The following GRIK4 variants were observed in gnomAD, a reference collection of about 807,000 sequenced individuals.
GRIK4 encodes the protein glutamate ionotropic receptor kainate type subunit 4.
Under a neutral mutation model 104.9 loss-of-function variants are expected in GRIK4, and 40 were observed. The observed-to-expected ratio is 0.38, with a 90% CI of 0.30 to 0.50. The LOEUF (loss-of-function observed/expected upper bound fraction) is 0.50. GRIK4 is among the 20% of genes least tolerant of loss of function. The probability of loss-of-function intolerance (pLI) is 0.93; values close to 1 mark genes in which losing one functional copy is unlikely to be tolerated. For synonymous variants in GRIK4, 485 were observed against 524.9 expected (o/e 0.92, Z 1.04); for missense variants, 1,047 against 1,308.1 (o/e 0.80, Z 3.08).
At chr11:120,864,831 C>T (rs1291648328) in intron 9 of GRIK4, among the ~76,000 whole-genome samples, 1 of 152,176 alleles carries the variant, frequency 6.6e-6, no homozygotes, top group African/African-American at 2.4e-5. Flanking sequence ...TGGGTCAGCG[C>T]TGCCATGGTC....
At position 120,903,643 on chromosome 11, in the gene GRIK4, G is replaced by C. The variant is rs775288223; in HGVS notation, c.1273-1647G>C. On this transcript the variant is annotated intron_variant, in intron 12 of 20. Transcript: ENST00000527524. The surrounding 1 kb of genome is among the most constrained non-coding windows in gnomAD (Gnocchi z 4.4). The stretch of plus-strand genomic sequence containing the variant: ...GCTGCCCTTCAAGCTGCCCTCCAAC[G>C]TAGGGAGTCACAGAATCACAGAATT... Among the ~76,000 whole-genome samples, 2 of 152,062 alleles carry C rather than the reference G, an allele frequency of 1.3e-5. No individual in the cohort carries two copies. Among genetic ancestry groups the C allele is most frequent in the African/African-American group, 4.8e-5 (2 of 41,398 alleles).
chr11:120,545,764 T>A (rs1948080168), intron 1 of GRIK4, among the ~76,000 whole-genome samples: 1 of 152,236 alleles, frequency 6.6e-6, no homozygotes, highest in Non-Finnish European at 1.5e-5. Flanking sequence ...TTGATTATAA[T>A]GGTCAGGTAG....
chr11:120,748,023 G>C (rs572427270), intron 3 of GRIK4, among the ~76,000 whole-genome samples: 2 of 152,318 alleles, frequency 1.3e-5, no homozygotes, highest in Non-Finnish European at 2.9e-5. Context: ...CGCCTCTGTG[G>C]ATTAATGTAG....
rs373315194 is a variant in GRIK4 at position 120,709,044 on chromosome 11, G to A, written c.82+48644G>A. The stretch of plus-strand genomic sequence containing the variant: ...ATGTGAGATGTATAAATAGCCCTCA[G>A]GAGAACCTGCCAGGTCAGGAGTCCG... On this transcript the variant is annotated intron_variant, in intron 3 of 20. Transcript: ENST00000527524. 1.7e-4 allele frequency among the ~76,000 whole-genome samples: 26 copies of A among 152,254 alleles called. No homozygotes were observed. The South Asian group carries it at 5.2e-3, about 30-fold the overall frequency.
intron 1 of GRIK4, among the ~76,000 whole-genome samples, chr11:120,559,532 C>G (rs115807417): frequency 0.015 from 2,353 of 152,352 alleles, 61 homozygotes; most frequent in African/African-American, 0.051. Context: ...ATTTTGGCCA[C>G]TTTAATGAAA....
chr11:120,935,306 T>C (rs1943572537), intron 13 of GRIK4, among the ~76,000 whole-genome samples: 1 of 152,132 alleles, frequency 6.6e-6, no homozygotes, highest in Non-Finnish European at 1.5e-5. Flanking sequence ...ATGTTAAAAC[T>C]TTGGGAGGCC....
intron 1 of GRIK4, among the ~76,000 whole-genome samples, chr11:120,646,197 A>C (rs558142412): frequency 7.9e-5 from 12 of 152,384 alleles, no homozygotes; most frequent in African/African-American, 2.9e-4. Context: ...AATAATCACA[A>C]TAACAGCTGT....
Position 120,614,856 on chromosome 11 carries a change from G to A in GRIK4, c.-158-38829G>A, listed in dbSNP as rs550098017. Among the ~76,000 whole-genome samples, 68 of 152,192 alleles carry A rather than the reference G, an allele frequency of 4.5e-4. 1 individual carries two copies. Among genetic ancestry groups the A allele is most frequent in the East Asian group, 2.9e-3 (15 of 5,180 alleles). On this transcript the variant is annotated intron_variant, in intron 1 of 20. Transcript: ENST00000527524. ...CTACTAACAATACAAAAAATTATCC[G>A]GGTGTGGTGGCGGGCGCTTGTAGTC... is the stretch of plus-strand genomic sequence containing the variant.
At chr11:120,629,544 T>C (rs1423842460) in intron 1 of GRIK4, among the ~76,000 whole-genome samples, 2 of 152,086 alleles carry the variant, frequency 1.3e-5, no homozygotes, top group Non-Finnish European at 2.9e-5. Flanking sequence ...AGAAGGCACC[T>C]GAATCTCTCC....
chr11:120,804,143 C>T (rs1214753448), intron 4 of GRIK4, among the ~76,000 whole-genome samples: 1 of 152,144 alleles, frequency 6.6e-6, no homozygotes, highest in Non-Finnish European at 1.5e-5. Flanking sequence ...GAGAAGAGCC[C>T]CTCAAATCAG....
At chr11:120,860,912 C>CTCT (rs1479218581) in intron 8 of GRIK4, among the ~76,000 whole-genome samples, 1 of 152,034 alleles carries the variant, frequency 6.6e-6, no homozygotes, top group Non-Finnish European at 1.5e-5. Context: ...ATGGTCTGGT[C>CTCT]TCTGCTGACT....
intron 3 of GRIK4, among the ~76,000 whole-genome samples, chr11:120,664,956 A>AGCTT (rs1340326268): frequency 1.3e-5 from 2 of 151,176 alleles, no homozygotes; most frequent in African/African-American, 4.9e-5. Flanking sequence ...AAGCAGCAAG[A>AGCTT]GCTTGGATTT....
At chr11:120,825,970 A>T (rs1953247646) in intron 6 of GRIK4, among the ~76,000 whole-genome samples, 1 of 152,106 alleles carries the variant, frequency 6.6e-6, no homozygotes, top group Non-Finnish European at 1.5e-5. Context: ...GCCCTGTGGG[A>T]GGCCTTTTGC....
rs1262115087 is a variant in GRIK4 at position 120,845,672 on chromosome 11, C to T, written c.744+8828C>T. 2.6e-5 allele frequency among the ~76,000 whole-genome samples: 4 copies of T among 152,088 alleles called. No homozygotes were observed. In the East Asian group the frequency reaches 7.7e-4, roughly 29 times the overall value. On this transcript the variant is annotated intron_variant, in intron 8 of 20. Coordinates refer to ENST00000527524, the MANE Select transcript of GRIK4 (RefSeq NM_014619.5). ...TTCTACACACACACACACACACACA[C>T]ACACACACGGCCAGAAGTTACAATC...
chr11:120,789,524 C>G (rs1952354908), intron 3 of GRIK4, among the ~76,000 whole-genome samples: 1 of 152,124 alleles, frequency 6.6e-6, no homozygotes, highest in African/African-American at 2.4e-5. Context: ...TCAAGCTGAT[C>G]TTCCCAACTC....
chr11:120,598,255 C>T lies in GRIK4; in HGVS notation c.-158-55430C>T, dbSNP rs1242042950. On this transcript the variant is annotated intron_variant, in intron 1 of 20. Transcript: ENST00000527524. ...CATCCATTCTCTCATTTCTTTCTCA[C>T]AGCAGCGTTATGAAACGGCTTGCTG... 2.0e-5 allele frequency among the ~76,000 whole-genome samples: 3 copies of T among 152,324 alleles called. 1 individual carries two copies. The South Asian group carries it at 6.2e-4, about 32-fold the overall frequency.
intron 3 of GRIK4, among the ~76,000 whole-genome samples, chr11:120,678,221 A>G (rs2135280392): frequency 6.6e-6 from 1 of 152,328 alleles, no homozygotes; most frequent in Non-Finnish European, 1.5e-5. Flanking sequence ...CCCACACCTC[A>G]TCCCCCTTCT....
chr11:120,934,000 C>T (rs370659618), intron 13 of GRIK4, among the ~76,000 whole-genome samples: 3 of 151,922 alleles, frequency 2.0e-5, no homozygotes, highest in African/African-American at 4.8e-5. Flanking sequence ...GTCAGGAGAT[C>T]GAGACCATCC....
intron 3 of GRIK4, among the ~76,000 whole-genome samples, chr11:120,724,741 G>A (rs998420317): frequency 1.3e-5 from 2 of 152,164 alleles, no homozygotes; most frequent in Admixed American, 1.3e-4. Flanking sequence ...AGTATGCATT[G>A]GATTTTCCAT....
Sources: gnomAD v4.1 joint callset for allele counts (sites outside exome capture counted in the v4.1 genomes callset) on GRCh38, gnomAD v4.1.1 for gene constraint, Gnocchi (gnomAD v3.1) non-coding constraint, MANE v1.5 for transcripts, NCBI Gene and HGNC (gene_info 2026-07-23, HGNC 2026-07-21) for gene names.